ZBTB25: variants seen among roughly 807,000 people sequenced by gnomAD.
ZBTB25 encodes zinc finger and BTB domain-containing protein 25.
In ZBTB25, 20 loss-of-function variants were observed where a neutral mutation model predicts 34.2. That is an observed-to-expected ratio of 0.58 (90% CI 0.41 to 0.85). ZBTB25 has a LOEUF of 0.85. ZBTB25 is among the 40% of genes least tolerant of loss of function. ZBTB25 has a pLI of 0.00. For missense variants in ZBTB25, 437 were observed against 521.8 expected, an observed-to-expected ratio of 0.84 and a Z score of 1.58; for synonymous variants, 175 against 186.4, an observed-to-expected ratio of 0.94 and a Z score of 0.50.
At chr14:64,454,903 G>T in intron 2 of ZBTB25, 1 of 1,612,298 alleles carries the variant, frequency 6.2e-7, no homozygotes, top group Admixed American at 1.7e-5. Context: ...GGGAGTAGTG[G>T]GCGCATCTGC....
At chr14:64,452,889 A>T (rs1596563674) in intron 2 of ZBTB25, among the ~76,000 whole-genome samples, 1 of 151,754 alleles carries the variant, frequency 6.6e-6, no homozygotes, top group African/African-American at 2.4e-5. Flanking sequence ...TTATTTTAAA[A>T]TTTTTATTTT....
At chr14:64,495,482 TTTC>T (rs2079238987) in intron 1 of ZBTB25, among the ~76,000 whole-genome samples, 1 of 152,350 alleles carries the variant, frequency 6.6e-6, no homozygotes, top group African/African-American at 2.4e-5. Context: ...TCTGTCCTCT[TTTC>T]TTCAAGAGAG....
intron 2 of ZBTB25, chr14:64,454,767 T>C (rs1228335687): frequency 1.2e-6 from 2 of 1,614,066 alleles, no homozygotes. Flanking sequence ...CACACTTGTC[T>C]TTGTCTCACA....
At chr14:64,459,555 A>G (rs1362171681) in intron 2 of ZBTB25, among the ~76,000 whole-genome samples, 1 of 152,214 alleles carries the variant, frequency 6.6e-6, no homozygotes, top group African/African-American at 2.4e-5. Context: ...CTGGTCTTGA[A>G]CAGTATTCAC....
chr14:64,467,041 T>C lies in ZBTB25; in HGVS notation c.174-17403A>G, dbSNP rs145175797. ...GTTTTCAAATGACAAGAACTCAGTC[T>C]ACTCGTGGTTCAATTATGAGTTGAT... On this transcript the variant is annotated intron_variant, in intron 2 of 2. Coordinates refer to the ZBTB25 transcript ENST00000555220. 27 of 152,366 alleles carry C rather than the reference T, an allele frequency of 1.8e-4. No homozygotes were observed. In the East Asian group the frequency reaches 2.5e-3, roughly 14 times the overall value. The allele number at this position is 152,366 out of a possible 1,614,324, so 9.4% of individuals were successfully genotyped here. A position where few individuals can be genotyped will look rare whatever the true frequency, so the allele number is the denominator to read the frequency against.
At position 64,478,167 on chromosome 14, in the gene ZBTB25, T is replaced by C. The variant is rs571460859; in HGVS notation, c.*8756A>G. The C allele has an allele frequency of 3.3e-5, 5 of 152,208 alleles. No homozygotes were observed. The highest frequency in any genetic ancestry group is 9.6e-5 in the African/African-American group (4 of 41,454). 9.4% of individuals were successfully genotyped at this position (152,208 alleles called of 1,614,324 possible). On this transcript the variant is annotated 3_prime_UTR_variant, in exon 3 of 3. Coordinates refer to ENST00000608382, the MANE Select transcript of ZBTB25 (RefSeq NM_006977.5). Reference sequence around the variant, plus strand: ...AGGGAGAGTGGGCTCATTTTCCAAGTTGGCTTATCAGCTGTAAAATAAACT... The same window carrying C: ...AGGGAGAGTGGGCTCATTTTCCAAGCTGGCTTATCAGCTGTAAAATAAACT...
At chr14:64,493,557 G>C (rs536582245) in intron 1 of ZBTB25, among the ~76,000 whole-genome samples, 1 of 152,284 alleles carries the variant, frequency 6.6e-6, no homozygotes, top group African/African-American at 2.4e-5. Flanking sequence ...CATGGAGAAA[G>C]ACTGGCTAGG....
chr14:64,505,024 A>ACT, upstream of ZBTB25: 2 of 386,230 alleles, frequency 5.2e-6, no homozygotes, highest in Non-Finnish European at 4.6e-6. Flanking sequence ...GGCCTGGCGG[A>ACT]GTGCGGGGCC....
chr14:64,456,330 C>G (rs1201114042), intron 2 of ZBTB25, among the ~76,000 whole-genome samples: 1 of 152,182 alleles, frequency 6.6e-6, no homozygotes, highest in Admixed American at 6.5e-5. Flanking sequence ...CTTCCAGTTG[C>G]CGTTGGGGCC....
In ZBTB25 at chr14:64,481,472, T is replaced by A. The variant is rs2078792648; in HGVS notation, c.*5451A>T. On this transcript the variant is annotated 3_prime_UTR_variant, in exon 3 of 3. Coordinates refer to ENST00000608382, the MANE Select transcript of ZBTB25 (RefSeq NM_006977.5). ...TATGTGTTACATGTACTTTGAAGAT[T>A]TTTCAGTGGGTCTTTTTTATTGAAC... 1 of 152,256 alleles carries A rather than the reference T, an allele frequency of 6.6e-6. No individual in the cohort carries two copies. The highest frequency in any genetic ancestry group is 1.5e-5 in the Non-Finnish European group (1 of 68,046). 9.4% of individuals were successfully genotyped at this position (152,256 alleles called of 1,614,324 possible).
chr14:64,464,534 G>T (rs978700956), intron 2 of ZBTB25, among the ~76,000 whole-genome samples: 1 of 152,050 alleles, frequency 6.6e-6, no homozygotes, highest in Admixed American at 6.5e-5. Context: ...TACAAAAATG[G>T]ACACCTGACA....
upstream of ZBTB25, chr14:64,505,031 G>GGA (rs2079621144): frequency 2.6e-6 from 1 of 381,250 alleles, no homozygotes; most frequent in East Asian, 3.8e-5. Flanking sequence ...CGGAGTGCGG[G>GGA]GCCGGAGGGG....
Position 64,485,017 on chromosome 14 carries a change from C to T in ZBTB25, c.*1906G>A. On this transcript the variant is annotated 3_prime_UTR_variant, in exon 3 of 3. Coordinates refer to ENST00000608382, the MANE Select transcript of ZBTB25 (RefSeq NM_006977.5). Reference sequence around the variant, plus strand: ...TATCAAGTTAGATGTGCTCTCAACACACATCAGTCTTAACCATAGGAGCCT... The same window carrying T: ...TATCAAGTTAGATGTGCTCTCAACATACATCAGTCTTAACCATAGGAGCCT... 3.0e-6 allele frequency: 3 copies of T among 985,436 alleles called. No homozygotes were observed. The highest frequency in any genetic ancestry group is 3.6e-6 in the Non-Finnish European group (3 of 829,926). 61.0% of individuals were successfully genotyped at this position (985,436 alleles called of 1,614,324 possible).
At chr14:64,488,220 A>G (rs1303468467) in intron 2 of ZBTB25, among the ~76,000 whole-genome samples, 163 bp from the exon 3 acceptor site, 2 of 152,200 alleles carry the variant, frequency 1.3e-5, no homozygotes, top group African/African-American at 4.8e-5. Context: ...TTCATTTTAT[A>G]CCAACTTTAT....
intron 2 of ZBTB25, chr14:64,458,713 A>G (rs2140994283): frequency 3.9e-6 from 1 of 258,960 alleles, no homozygotes; most frequent in Admixed American, 4.9e-5. Context: ...GAAGGCAAGA[A>G]TTAGCAAATG....
Position 64,485,827 on chromosome 14 carries a change from T to C in ZBTB25, c.*1096A>G. On this transcript the variant is annotated 3_prime_UTR_variant, in exon 3 of 3. Coordinates refer to ENST00000608382, the MANE Select transcript of ZBTB25 (RefSeq NM_006977.5). ...CTCATGTAAACCTCTGGTCATAAAA[T>C]CTCAAATTACTTTTTAAGGTGTCTA... is the stretch of plus-strand genomic sequence containing the variant. The C allele has an allele frequency of 6.1e-6, 6 of 985,372 alleles. No individual in the cohort carries two copies. The highest frequency in any genetic ancestry group is 7.2e-6 in the Non-Finnish European group (6 of 829,908). 61.0% of individuals were successfully genotyped at this position (985,372 alleles called of 1,614,324 possible).
intron 1 of ZBTB25, chr14:64,503,315 G>T (rs1444968614): frequency 2.0e-6 from 2 of 985,320 alleles, no homozygotes; most frequent in African/African-American, 3.5e-5. Context: ...ACCCGAGGGA[G>T]GCCGCAGGCC....
intron 2 of ZBTB25, among the ~76,000 whole-genome samples, chr14:64,489,278 T>A (rs557302684): frequency 1.4e-5 from 2 of 141,868 alleles, no homozygotes; most frequent in Admixed American, 1.4e-4. Context: ...TCAAAAAAAA[T>A]AAAAATAAAA....
Position 64,486,274 on chromosome 14 carries a change from CCT to C in ZBTB25, c.*647_*648del. 3.1e-6 allele frequency: 3 copies of C among 976,670 alleles called. No individual in the cohort carries two copies. The highest frequency in any genetic ancestry group is 3.6e-6 in the Non-Finnish European group (3 of 822,066). 60.5% of individuals were successfully genotyped at this position (976,670 alleles called of 1,614,324 possible). A position where few individuals can be genotyped will look rare whatever the true frequency, so the allele number is the denominator to read the frequency against. On this transcript the variant is annotated 3_prime_UTR_variant, in exon 3 of 3. Transcript: ENST00000608382. The stretch of plus-strand genomic sequence containing the variant: ...CCGAGATCGCGCCACTGCGCCCCAG[CCT>C]GGGCGACACAGAGAGACTCTGTCTC...
Sources: allele counts gnomAD v4.1 joint callset (sites outside exome capture counted in the v4.1 genomes callset), GRCh38; gene constraint gnomAD v4.1.1; transcripts MANE v1.5; gene names NCBI Gene and HGNC (gene_info 2026-07-23, HGNC 2026-07-21).